DCC: variants seen among roughly 807,000 people sequenced by gnomAD.
DCC encodes the protein netrin receptor DCC.
Under a neutral mutation model 172.5 loss-of-function variants are expected in DCC, and 58 were observed. That is an observed-to-expected ratio of 0.34 (90% CI 0.27 to 0.42). The LOEUF (loss-of-function observed/expected upper bound fraction) is 0.42. Ranked by LOEUF, DCC falls within the 10% of genes least tolerant of loss-of-function variation. The pLI is 1.00. For missense variants in DCC, 1,740 were observed against 1,791.0 expected, an observed-to-expected ratio of 0.97 and a Z score of 0.51; for synonymous variants, 709 against 644.5, an observed-to-expected ratio of 1.10 and a Z score of -1.52.
At chr18:52,344,270 T>C (rs1043574203) in intron 1 of DCC, among the ~76,000 whole-genome samples, 1 of 152,170 alleles carries the variant, frequency 6.6e-6, no homozygotes, top group African/African-American at 2.4e-5. Flanking sequence ...TCTGCTAGAG[T>C]ACAGGATATT....
At position 53,273,716 on chromosome 18, in the gene DCC, C is replaced by A. The variant is rs763834050; in HGVS notation, c.1912-31862C>A. ...TTCTCATAATTTATCTCCTTAGGTC[C>A]TATCTCTTTCTGCTGCTTTTTTTTT... On this transcript the variant is annotated intron_variant, in intron 12 of 28. Coordinates refer to ENST00000442544, the MANE Select transcript of DCC (RefSeq NM_005215.4). Among the ~76,000 whole-genome samples the A allele has an allele frequency of 5.2e-4, 78 of 149,580 alleles. 1 individual carries two copies. Among genetic ancestry groups the A allele is most frequent in the Non-Finnish European group, 9.8e-4 (66 of 67,412 alleles).
chr18:52,543,245 T>C (rs1446180867), intron 1 of DCC, among the ~76,000 whole-genome samples: 2 of 152,354 alleles, frequency 1.3e-5, no homozygotes, highest in African/African-American at 4.8e-5. Flanking sequence ...TTTAATTGCA[T>C]TAGTCTCCTA....
chr18:52,618,844 A>G (rs929990946), intron 1 of DCC, among the ~76,000 whole-genome samples: 3 of 152,196 alleles, frequency 2.0e-5, no homozygotes, highest in Non-Finnish European at 4.4e-5. Flanking sequence ...TAGCTTCTAT[A>G]TCAACTGCTG....
intron 2 of DCC, among the ~76,000 whole-genome samples, chr18:52,891,579 T>C (rs1352074972): frequency 1.3e-5 from 2 of 152,134 alleles, no homozygotes; most frequent in South Asian, 2.1e-4. Flanking sequence ...TGTTTAATTT[T>C]TAACCATATC....
At chr18:52,531,746 A>G (rs776996384) in intron 1 of DCC, among the ~76,000 whole-genome samples, 13 of 150,734 alleles carry the variant, frequency 8.6e-5, no homozygotes, top group Non-Finnish European at 1.9e-4. Flanking sequence ...CCATATTCCT[A>G]CCTCCCTTTT....
chr18:53,520,954 G>T (rs947194314), intron 27 of DCC, among the ~76,000 whole-genome samples: 1 of 151,970 alleles, frequency 6.6e-6, no homozygotes, highest in Admixed American at 6.6e-5. Flanking sequence ...AACTCTGGGA[G>T]GCTGTTTAAA....
chr18:53,477,322 A>T (rs1326921218), intron 25 of DCC, among the ~76,000 whole-genome samples: 1 of 152,158 alleles, frequency 6.6e-6, no homozygotes, highest in African/African-American at 2.4e-5. Context: ...ATAAATTCTT[A>T]AACTTTTTGA....
At chr18:52,771,700 T>C (rs2037346498) in intron 2 of DCC, among the ~76,000 whole-genome samples, 1 of 152,082 alleles carries the variant, frequency 6.6e-6, no homozygotes, top group Admixed American at 6.6e-5. Context: ...TATTGAGCAG[T>C]TTTTTGCACT....
At chr18:52,357,910 C>T (rs1289030418) in intron 1 of DCC, among the ~76,000 whole-genome samples, 2 of 145,248 alleles carry the variant, frequency 1.4e-5, no homozygotes, top group African/African-American at 5.0e-5. Flanking sequence ...TGCACTCCAG[C>T]CTGGGCGACA....
intron 1 of DCC, among the ~76,000 whole-genome samples, chr18:52,487,901 T>C (rs2031207887): frequency 6.6e-6 from 1 of 151,578 alleles, no homozygotes; most frequent in Non-Finnish European, 1.5e-5. Context: ...CTAGACTCTC[T>C]GATTAACAGG....
intron 5 of DCC, among the ~76,000 whole-genome samples, chr18:53,002,585 C>T (rs1198060069): frequency 6.6e-6 from 1 of 152,068 alleles, no homozygotes; most frequent in Non-Finnish European, 1.5e-5. Context: ...TGATTAAACA[C>T]CACAACTCTG....
intron 1 of DCC, among the ~76,000 whole-genome samples, chr18:52,540,839 T>C (rs1488004728): frequency 4.6e-5 from 7 of 152,036 alleles, no homozygotes; most frequent in Admixed American, 6.6e-5. Context: ...ATCTCCTGAC[T>C]TCGTGATCCG....
intron 7 of DCC, among the ~76,000 whole-genome samples, chr18:53,098,982 C>A (rs2043125253): frequency 1.3e-5 from 2 of 152,026 alleles, no homozygotes; most frequent in African/African-American, 4.8e-5. Flanking sequence ...ATGCTCCAGC[C>A]TGTGTGACAT....
At chr18:52,922,873 T>A (rs1033174416) in intron 3 of DCC, among the ~76,000 whole-genome samples, 1 of 152,126 alleles carries the variant, frequency 6.6e-6, no homozygotes, top group Admixed American at 6.5e-5. Context: ...CTTTGTGAAT[T>A]TTTTGCTTAT....
intron 1 of DCC, among the ~76,000 whole-genome samples, chr18:52,702,817 G>T (rs2036147495): frequency 6.6e-6 from 1 of 152,094 alleles, no homozygotes; most frequent in Non-Finnish European, 1.5e-5. Context: ...ATGTTTATCT[G>T]GATTTTTGCT....
chr18:53,233,883 T>C (rs755207807), intron 12 of DCC, among the ~76,000 whole-genome samples: 4 of 149,616 alleles, frequency 2.7e-5, no homozygotes, highest in Non-Finnish European at 4.5e-5. Flanking sequence ...GGAGGCCGAG[T>C]TGGGTGGATC....
intron 1 of DCC, among the ~76,000 whole-genome samples, chr18:52,530,195 G>A (rs1450860042): frequency 6.6e-6 from 1 of 152,102 alleles, no homozygotes; most frequent in African/African-American, 2.4e-5. Flanking sequence ...TCTATTAAGT[G>A]GACAAGAATA....
At chr18:53,319,884 A>C (rs188346678) in intron 13 of DCC, among the ~76,000 whole-genome samples, 5 of 152,272 alleles carry the variant, frequency 3.3e-5, no homozygotes, top group African/African-American at 1.2e-4. Flanking sequence ...CATCGACAAA[A>C]TACCTTCACA....
chr18:53,014,503 T>C (rs1173747555), intron 5 of DCC, among the ~76,000 whole-genome samples: 1 of 134,934 alleles, frequency 7.4e-6, no homozygotes, highest in Admixed American at 8.8e-5. Flanking sequence ...TGTGTTCTCA[T>C]TGTTCAATTC....
Sources: gnomAD v4.1 joint callset for allele counts (sites outside exome capture counted in the v4.1 genomes callset) on GRCh38, gnomAD v4.1.1 for gene constraint, MANE v1.5 for transcripts, NCBI Gene and HGNC (gene_info 2026-07-23, HGNC 2026-07-21) for gene names.